Variants in PCDHGA1 observed in about 807,000 individuals in gnomAD.
PCDHGA1 encodes protocadherin gamma subfamily A, 1.
A neutral mutation model predicts 58.0 loss-of-function variants in PCDHGA1; 32 were observed. The observed-to-expected ratio is 0.55, with a 90% CI of 0.42 to 0.74. The LOEUF is 0.74. Among genes scored for constraint, PCDHGA1 ranks in the 30% least tolerant of loss-of-function variants. The pLI, the probability that PCDHGA1 is intolerant of heterozygous loss-of-function variation, is 0.00. For missense variants in PCDHGA1, 1,205 were observed against 1,182.3 expected (o/e 1.02, Z -0.28); for synonymous variants, 498 against 501.1 (o/e 0.99, Z 0.08).
rs752319612 is a variant in PCDHGA1, at chr5:141,332,538, G to A, written c.1854G>A (p.Ser618=). Residue 618 remains serine, a synonymous_variant, in exon 1 of 4, where the codon TCG becomes TCA. Coordinates refer to ENST00000517417, the MANE Select transcript of PCDHGA1 (RefSeq NM_018912.3). The surrounding 1 kb of genome is among the most constrained non-coding windows in gnomAD (Gnocchi z 4.6). ...LLKASEPGLF[S]VGLHTGEVRT... is the part of the protein sequence containing the mutation. ...AGGCCAGCGAGCCGGGACTCTTCTCGGTGGGTCTGCACACGGGCGAGGTGC... is the reference window on the plus strand; with the variant it reads ...AGGCCAGCGAGCCGGGACTCTTCTCAGTGGGTCTGCACACGGGCGAGGTGC... 3.4e-5 allele frequency: 55 copies of A among 1,612,632 alleles called. No individual in the cohort carries two copies. In the African/African-American group the frequency reaches 6.0e-4, roughly 18 times the overall value.
chr5:141,350,369 G>A (rs2149756755), intron 1 of PCDHGA1: 2 of 1,582,152 alleles, frequency 1.3e-6, no homozygotes, highest in East Asian at 2.2e-5. Context: ...CACGATTCCA[G>A]AGGAGCTAGC....
At position 141,433,052 on chromosome 5, in the gene PCDHGA1, A is replaced by G. The variant is rs757503771; in HGVS notation, c.2422-61755A>G. The G allele has an allele frequency of 3.1e-6, 5 of 1,614,178 alleles. No individual in the cohort carries two copies. In the Admixed American group the frequency reaches 8.3e-5, roughly 27 times the overall value. ...GGTTTCCCTCACCACGGACTCGCGG[A>G]AGAGTCACCTGATCTTCCCCCAGCC... On this transcript the variant is annotated intron_variant, in intron 1 of 3. Transcript: ENST00000517417.
At chr5:141,420,240 C>G (rs752339982) in intron 1 of PCDHGA1, 3 of 1,593,140 alleles carry the variant, frequency 1.9e-6, no homozygotes, top group Non-Finnish European at 2.6e-6. Context: ...ATTTTAACTC[C>G]CAGCGTTGAA....
chr5:141,362,234 C>T, intron 1 of PCDHGA1: 1 of 1,614,040 alleles, frequency 6.2e-7, no homozygotes, highest in Non-Finnish European at 8.5e-7. Flanking sequence ...GCCTTGATCT[C>T]AGTGCTCTTC....
chr5:141,438,621 TATATATATATATATACACACAC>T (rs2098027070), intron 1 of PCDHGA1, among the ~76,000 whole-genome samples: 1 of 41,368 alleles, frequency 2.4e-5, no homozygotes, highest in Non-Finnish European at 4.0e-5. Flanking sequence ...TATATATATA[TATATATATATATATACACACAC>T]ACACACACAT....
At position 141,477,458 on chromosome 5, in the gene PCDHGA1, T is replaced by C; in HGVS notation, c.2422-17349T>C. 6.2e-7 allele frequency: 1 copy of C among 1,614,126 alleles called. No homozygotes were observed. The highest frequency in any genetic ancestry group is 8.5e-7 in the Non-Finnish European group (1 of 1,180,022). ...CCTTACAATAGTGCGTGTTCAAGTG[T>C]CCGACATCAATGACAACCCTCCACA... On this transcript the variant is annotated intron_variant, in intron 1 of 3. Transcript: ENST00000517417. This position sits in a 1 kb window ranked among gnomAD's most constrained non-coding sequence, Gnocchi z 4.9.
intron 1 of PCDHGA1, chr5:141,350,339 A>G (rs1758450132): frequency 6.5e-7 from 1 of 1,542,648 alleles, no homozygotes; most frequent in South Asian, 1.3e-5. Flanking sequence ...CTGCGGGGCC[A>G]TCTCCCAGCA....
intron 1 of PCDHGA1, chr5:141,389,942 G>T: frequency 1.2e-6 from 2 of 1,614,070 alleles, no homozygotes; most frequent in African/African-American, 2.7e-5. Flanking sequence ...AGGCTGAGCT[G>T]CAGTTTTACC....
At chr5:141,345,323 G>C (rs769057975) in intron 1 of PCDHGA1, 3 of 1,613,902 alleles carry the variant, frequency 1.9e-6, no homozygotes, top group East Asian at 2.2e-5. Context: ...GGGGAAGCCC[G>C]CCACTGTCCA....
chr5:141,366,058 G>T, intron 1 of PCDHGA1: 1 of 1,614,242 alleles, frequency 6.2e-7, no homozygotes. Context: ...CGGGCGTGGA[G>T]CTGGCGCCTC....
At chr5:141,348,964 A>G (rs1397008064) in intron 1 of PCDHGA1, among the ~76,000 whole-genome samples, 1 of 152,236 alleles carries the variant, frequency 6.6e-6, no homozygotes, top group Admixed American at 6.5e-5. Flanking sequence ...ATAAGTTCCA[A>G]AATTGGGTGT....
At chr5:141,362,994 C>A (rs1023697492) in intron 1 of PCDHGA1, among the ~76,000 whole-genome samples, 1 of 152,232 alleles carries the variant, frequency 6.6e-6, no homozygotes, top group East Asian at 1.9e-4. Flanking sequence ...AATGGCATGG[C>A]TTGTTAATCA....
chr5:141,390,101 CA>C (rs1212774339), intron 1 of PCDHGA1: 8 of 1,613,946 alleles, frequency 5.0e-6, no homozygotes, highest in Non-Finnish European at 6.8e-6. Flanking sequence ...TGGTTCCCCC[CA>C]ACTACAGCGA....
At chr5:141,370,770 A>G (rs1479523551) in intron 1 of PCDHGA1, 1 of 1,614,024 alleles carries the variant, frequency 6.2e-7, no homozygotes, top group South Asian at 1.1e-5. Context: ...GATCCAGGAT[A>G]TTAACGACAA....
chr5:141,371,829 C>G (rs763758826), intron 1 of PCDHGA1: 13 of 1,613,692 alleles, frequency 8.1e-6, no homozygotes, highest in Non-Finnish European at 1.0e-5. Flanking sequence ...AGCCTCGGAT[C>G]CCGACTTGGG....
chr5:141,362,375 C>CTGTA, intron 1 of PCDHGA1: 1 of 1,614,040 alleles, frequency 6.2e-7, no homozygotes, highest in Non-Finnish European at 8.5e-7. Context: ...AGTGAGGGTA[C>CTGTA]ATTGCCCTAT....
Position 141,334,603 on chromosome 5 carries a change from T to C in PCDHGA1, c.2421+1498T>C, listed in dbSNP as rs1052827015. ...CCTGGGCGACAGAGCCACACCCTGT[T>C]AAATAAATAAATATAATAATAAAAG... is the stretch of plus-strand genomic sequence containing the variant. On this transcript the variant is annotated intron_variant, in intron 1 of 3. Transcript: ENST00000517417. The surrounding 1 kb of genome is among the most constrained non-coding windows in gnomAD (Gnocchi z 4.6). The C allele has an allele frequency of 2.6e-5, 4 of 152,208 alleles. No homozygotes were observed. The highest frequency in any genetic ancestry group is 9.7e-5 in the African/African-American group (4 of 41,438). 9.4% of individuals were successfully genotyped at this position (152,208 alleles called of 1,614,324 possible). A position where few individuals can be genotyped will look rare whatever the true frequency, so the allele number is the denominator to read the frequency against.
At chr5:141,455,289 A>G (rs1592356100) in intron 1 of PCDHGA1, among the ~76,000 whole-genome samples, 2 of 152,192 alleles carry the variant, frequency 1.3e-5, no homozygotes, top group East Asian at 3.9e-4. Context: ...ATCACTTTAC[A>G]TAGTTTCATC....
intron 1 of PCDHGA1, chr5:141,423,007 G>C (rs772337723): frequency 1.9e-6 from 3 of 1,614,242 alleles, no homozygotes; most frequent in Non-Finnish European, 2.5e-6. Flanking sequence ...CAAGGTGGTT[G>C]CGGTGGACAA....
Sources: gnomAD v4.1 joint callset for allele counts (sites outside exome capture counted in the v4.1 genomes callset) on GRCh38, gnomAD v4.1.1 for gene constraint, Gnocchi (gnomAD v3.1) non-coding constraint, MANE v1.5 for transcripts, NCBI Gene and HGNC (gene_info 2026-07-23, HGNC 2026-07-21) for gene names.